Variants in CDH16 observed in about 807,000 individuals in gnomAD.
CDH16 encodes cadherin-16.
A neutral mutation model predicts 87.6 loss-of-function variants in CDH16; 79 were observed. The ratio of observed to expected loss-of-function variants is 0.90; its 90% CI spans 0.75 to 1.09. CDH16 has a LOEUF of 1.09. Ranked by LOEUF, CDH16 falls within the 50% of genes least tolerant of loss-of-function variation. CDH16 has a pLI of 0.00. For missense variants in CDH16, 1,124 were observed against 1,071.7 expected (o/e 1.05, Z -0.68); for synonymous variants, 457 against 439.5 (o/e 1.04, Z -0.50).
At position 66,910,079 on chromosome 16, in the gene CDH16, G is replaced by A; in HGVS notation, c.2182C>T (p.Leu728Phe). The A allele has an allele frequency of 6.2e-7, 1 of 1,611,628 alleles. No homozygotes were observed. The highest frequency in any genetic ancestry group is 8.5e-7 in the Non-Finnish European group (1 of 1,178,638). ...LQTLNGSHAY[L>F]TLALHWVEPR... Reference sequence around the variant, plus strand: ...TCCACCCAATGCAGGGCCAAGGTGAGGTAGGCATGGGAACCTTTTGGGACA... The same window carrying A: ...TCCACCCAATGCAGGGCCAAGGTGAAGTAGGCATGGGAACCTTTTGGGACA... The change falls in exon 16 of 18, where the codon CTC becomes TTC. Residue 728 changes from leucine to phenylalanine, a missense_variant. Coordinates refer to ENST00000299752, the MANE Select transcript of CDH16 (RefSeq NM_004062.4).
Position 66,909,387 on chromosome 16 carries a change from A to G in CDH16, c.2276-4T>C. On this transcript the variant is annotated splice_polypyrimidine_tract_variant and splice_region_variant and intron_variant, in intron 16 of 17. Coordinates refer to ENST00000299752, the MANE Select transcript of CDH16 (RefSeq NM_004062.4). The surrounding 1 kb of genome is among the most constrained non-coding windows in gnomAD (Gnocchi z 4.1). ...ACGTTGCAGCGACACACGATCACTG[A>G]GGGGAGAGGGGAGGAAGGTAAGGGG... 1 of 825,200 alleles carries G rather than the reference A, an allele frequency of 1.2e-6. No homozygotes were observed. Among genetic ancestry groups the G allele is most frequent in the Non-Finnish European group, 1.9e-6 (1 of 534,880 alleles). 51.1% of individuals were successfully genotyped at this position (825,200 alleles called of 1,614,324 possible).
chr16:66,913,402 C>T, intron 8 of CDH16, 89 bp downstream of exon 8: 2 of 1,590,932 alleles, frequency 1.3e-6, no homozygotes, highest in East Asian at 4.5e-5. Flanking sequence ...ACTGCCTCAG[C>T]CTCTGTTGTA....
At position 66,911,984 on chromosome 16, in the gene CDH16, A is replaced by T. The variant is rs1305019352; in HGVS notation, c.1705T>A (p.Tyr569Asn). ...GCACTGATGGGGACACTGGCCTCGT[A>T]GCTCTCCTGGTCCAACTTGGGGGGT... ...MPPPKLDQESYEASVPISAPA... is the reference protein window; with the variant it reads ...MPPPKLDQESNEASVPISAPA... Residue 569 changes from tyrosine to asparagine, a missense_variant, in exon 13 of 18, where the codon TAC becomes AAC. Transcript: ENST00000299752. The T allele has an allele frequency of 6.2e-7, 1 of 1,614,020 alleles. No individual in the cohort carries two copies. The highest frequency in any genetic ancestry group is 8.5e-7 in the Non-Finnish European group (1 of 1,180,020).
rs200214830 is a variant in CDH16, at chr16:66,911,277, A to G, written c.1829T>C (p.Ile610Thr). The G allele has an allele frequency of 1.5e-5, 24 of 1,613,460 alleles. No individual in the cohort carries two copies. Among genetic ancestry groups the G allele is most frequent in the African/African-American group, 2.7e-5 (2 of 74,888 alleles). ...GTGCACCTCCCCGGAGAATTTCTCA[A>G]TGCAGAGCCAGCCCTCTGAGTCATT... The part of the protein sequence containing the change: ...LVNDSEGWLC[I>T]EKFSGEVHTA... The change falls in exon 14 of 18, where the codon ATT (isoleucine) becomes ACT (threonine). Residue 610 changes from isoleucine to threonine, a missense_variant. Physicochemically the swap from Ile to Thr is moderately conservative, Grantham distance 89. Coordinates refer to ENST00000299752, the MANE Select transcript of CDH16 (RefSeq NM_004062.4).
In CDH16 at chr16:66,916,569, A is replaced by T; in HGVS notation, c.130-140T>A. The T allele has an allele frequency of 2.1e-6, 2 of 941,008 alleles. 1 individual carries two copies. The highest frequency in any genetic ancestry group is 5.3e-5 in the East Asian group (2 of 37,516). The allele number at this position is 941,008 out of a possible 1,614,324, so 58.3% of individuals were successfully genotyped here. A position where few individuals can be genotyped will look rare whatever the true frequency, so the allele number is the denominator to read the frequency against. Reference sequence around the variant, plus strand: ...TCCTGTCAGAGGTCACACAGCCAGTAAGCATCAGGACTGAGACTCAGAGCC... The same window carrying T: ...TCCTGTCAGAGGTCACACAGCCAGTTAGCATCAGGACTGAGACTCAGAGCC... On this transcript the variant is annotated intron_variant, in intron 3 of 17. Coordinates refer to ENST00000299752, the MANE Select transcript of CDH16 (RefSeq NM_004062.4). The surrounding 1 kb of genome is among the most constrained non-coding windows in gnomAD (Gnocchi z 4.1).
Position 66,911,233 on chromosome 16 carries a change from C to T in CDH16, c.1873G>A (p.Gly625Ser). Residue 625 changes from glycine (G) to serine (S), a missense_variant, in exon 14 of 18, where the codon GGC (glycine) becomes AGC (serine). By Grantham distance (56) the Gly-to-Ser change is moderately conservative. Transcript: ENST00000299752. ...GEVHTAQSLQ[G>S]AQPGDTYTVL... ...GTGTAGGTGTCCCCAGGCTGGGCGC[C>T]CTGCAGGGACTGGGCGGTGTGCACC... 6.2e-7 allele frequency: 1 copy of T among 1,613,542 alleles called. No individual in the cohort carries two copies. Among genetic ancestry groups the T allele is most frequent in the Non-Finnish European group, 8.5e-7 (1 of 1,179,838 alleles).
In CDH16 at chr16:66,912,874, G is replaced by A. The variant is rs1962496098; in HGVS notation, c.1072C>T (p.Leu358=). The change falls in exon 10 of 18, where the codon CTG becomes TTG. Residue 358 remains leucine, a synonymous_variant. Transcript: ENST00000299752. ...LSPPGTEVTR[L]SAEDADAPGS... ...GGGGCATCTGCATCCTCTGCTGACA[G>A]TCTAGTCACTTCAGTACCTGCCAAG... The A allele has an allele frequency of 3.7e-6, 6 of 1,611,578 alleles. No homozygotes were observed. The highest frequency in any genetic ancestry group is 2.2e-5 in the East Asian group (1 of 44,870).
chr16:66,914,068 C>G (rs1020137149), intron 7 of CDH16, 148 bp downstream of exon 7: 1 of 687,604 alleles, frequency 1.5e-6, no homozygotes, highest in African/African-American at 1.8e-5. Flanking sequence ...CCTTGAACAC[C>G]CCAGTCCACA....
In CDH16 at chr16:66,912,882, A is replaced by G; in HGVS notation, c.1064T>C (p.Val355Ala). ...TGCATCCTCTGCTGACAGTCTAGTCACTTCAGTACCTGCCAAGACAGCACC... is the reference window on the plus strand; with the variant it reads ...TGCATCCTCTGCTGACAGTCTAGTCGCTTCAGTACCTGCCAAGACAGCACC... ...IPELSPPGTE[V>A]TRLSAEDADA... Residue 355 changes from valine (V) to alanine (A), a missense_variant, in exon 10 of 18, where the codon GTG becomes GCG. Coordinates refer to ENST00000299752, the MANE Select transcript of CDH16 (RefSeq NM_004062.4). 1 of 1,610,216 alleles carries G rather than the reference A, an allele frequency of 6.2e-7. No homozygotes were observed. The highest frequency in any genetic ancestry group is 8.5e-7 in the Non-Finnish European group (1 of 1,179,572).
In CDH16 at chr16:66,915,381, G is replaced by A. The variant is rs1222333478; in HGVS notation, c.425-3C>T. The stretch of plus-strand genomic sequence containing the variant: ...CTCAAGGAAGAGGAAGGGGATGCCT[G>A]GTTCACGGTGGGAGGGCAAACTGTA... On this transcript the variant is annotated splice_polypyrimidine_tract_variant and splice_region_variant and intron_variant, in intron 5 of 17. Transcript: ENST00000299752. The A allele has an allele frequency of 6.2e-7, 1 of 1,613,306 alleles. No homozygotes were observed. Among genetic ancestry groups the A allele is most frequent in the Non-Finnish European group, 8.5e-7 (1 of 1,179,722 alleles).
intron 14 of CDH16, chr16:66,910,910 G>C: frequency 2.3e-6 from 1 of 435,060 alleles, no homozygotes; most frequent in South Asian, 4.2e-5. Flanking sequence ...CTGACACCCT[G>C]AGAGGCCCTC....
At position 66,916,064 on chromosome 16, in the gene CDH16, C is replaced by T. The variant is rs764638584; in HGVS notation, c.424+1G>A. 1.2e-6 allele frequency: 2 copies of T among 1,614,200 alleles called. No homozygotes were observed. The highest frequency in any genetic ancestry group is 2.7e-5 in the African/African-American group (2 of 75,082). On this transcript the variant is annotated splice_donor_variant, in intron 5 of 17. Transcript: ENST00000299752. LOFTEE classifies it high-confidence loss of function. This position sits in a 1 kb window ranked among gnomAD's most constrained non-coding sequence, Gnocchi z 4.1. ...GTAAATTGGCTGCCCTGGTCACTCA[C>T]CAGGCCTGGTACCCCGGCTCAGCCG... is the stretch of plus-strand genomic sequence containing the variant.
Position 66,912,448 on chromosome 16 carries a change from A to T in CDH16, c.1360-18T>A. ...GGCCCAATCTGGAGGAGGAGGAGGGATGGTGAGCCCCCCACCAGCATCCTT... is the reference window on the plus strand; with the variant it reads ...GGCCCAATCTGGAGGAGGAGGAGGGTTGGTGAGCCCCCCACCAGCATCCTT... On this transcript the variant is annotated intron_variant, in intron 11 of 17. Transcript: ENST00000299752. 6.2e-7 allele frequency: 1 copy of T among 1,613,772 alleles called. No homozygotes were observed. Among genetic ancestry groups the T allele is most frequent in the Non-Finnish European group, 8.5e-7 (1 of 1,179,790 alleles).
Position 66,913,230 on chromosome 16 carries a change from G to C in CDH16, c.955C>G (p.Pro319Ala), listed in dbSNP as rs1301953509. ...QNSHGEDYAA[P>A]LELHVLVMDE... Reference sequence around the variant, plus strand: ...ATCACCAGCACGTGCAGCTCCAGAGGGGCCGCATAGTCCTCGCCATGGGAA... The same window carrying C: ...ATCACCAGCACGTGCAGCTCCAGAGCGGCCGCATAGTCCTCGCCATGGGAA... The change falls in exon 9 of 18, where the codon CCT (proline) becomes GCT (alanine). Residue 319 changes from proline (P) to alanine (A), a missense_variant. By Grantham distance (27) the Pro-to-Ala change is conservative. Coordinates refer to ENST00000299752, the MANE Select transcript of CDH16 (RefSeq NM_004062.4). The C allele has an allele frequency of 6.3e-7, 1 of 1,586,502 alleles. No homozygotes were observed. The highest frequency in any genetic ancestry group is 2.2e-5 in the East Asian group (1 of 44,684).
chr16:66,916,076 C>A lies in CDH16; in HGVS notation c.413G>T (p.Gly138Val). ...CCCTGGTCACTCACCAGGCCTGGTA[C>A]CCCGGCTCAGCCGAGCTCTGTAGAT... ...QAIYRARLSR[G>V]TRPGIPFLFL... Residue 138 changes from glycine (G) to valine (V), a missense_variant, in exon 5 of 18, where the codon GGT becomes GTT. Physicochemically the swap from Gly to Val is moderately radical, Grantham distance 109. Coordinates refer to ENST00000299752, the MANE Select transcript of CDH16 (RefSeq NM_004062.4). This position sits in a 1 kb window ranked among gnomAD's most constrained non-coding sequence, Gnocchi z 4.1. The A allele has an allele frequency of 6.2e-7, 1 of 1,614,204 alleles. No homozygotes were observed. Among genetic ancestry groups the A allele is most frequent in the Non-Finnish European group, 8.5e-7 (1 of 1,180,044 alleles).
rs1698760424 is a variant in CDH16, at chr16:66,908,304, C to T, written c.*88G>A. 1 of 1,068,466 alleles carries T rather than the reference C, an allele frequency of 9.4e-7. No homozygotes were observed. The highest frequency in any genetic ancestry group is 1.4e-6 in the Non-Finnish European group (1 of 696,234). The allele number at this position is 1,068,466 out of a possible 1,614,324, so 66.2% of individuals were successfully genotyped here. ...GGAGGGGCTTCTACTCTGTCCTGTC[C>T]CCTGCTGGATCTTGGGTGCTGGGCT... is the stretch of plus-strand genomic sequence containing the variant. On this transcript the variant is annotated 3_prime_UTR_variant, in exon 18 of 18. Transcript: ENST00000299752.
chr16:66,913,431 G>A, intron 8 of CDH16, 60 bp downstream of exon 8: 1 of 1,608,548 alleles, frequency 6.2e-7, no homozygotes, highest in Non-Finnish European at 8.5e-7. Flanking sequence ...ACCCCCAAAA[G>A]CCAACTGGAC....
Position 66,910,488 on chromosome 16 carries a change from T to C in CDH16, c.1939A>G (p.Ser647Gly). 6.5e-7 allele frequency: 1 copy of C among 1,536,710 alleles called. No individual in the cohort carries two copies. ...EAQDTDEPRL[S>G]ASAPLVIHFL... ...TGGATCACCAGGGGTGCAGAAGCGC[T>C]CAGTCTCGGCTCATCTGCAGAGGAG... Residue 647 changes from serine to glycine, a missense_variant, in exon 15 of 18, where the codon AGC becomes GGC. Transcript: ENST00000299752.
Position 66,912,515 on chromosome 16 carries a change from T to A in CDH16, c.1348A>T (p.Ile450Phe). 6.2e-7 allele frequency: 1 copy of A among 1,614,166 alleles called. No homozygotes were observed. Among genetic ancestry groups the A allele is most frequent in the South Asian group, 1.1e-5 (1 of 91,076 alleles). The change falls in exon 11 of 18, where the codon ATC (isoleucine) becomes TTC (phenylalanine). Residue 450 changes from isoleucine (I) to phenylalanine (F), a missense_variant. Transcript: ENST00000299752. ...CTGCGTCTGCTTACCTGGGAAGTGA[T>A]GAACTCAGGGGCGTGATCATTGATA... Reference protein sequence around the residue: ...TDINDHAPEFITSQIGPISLP... With the variant: ...TDINDHAPEFFTSQIGPISLP...
Sources: gnomAD v4.1 joint callset for allele counts on GRCh38, gnomAD v4.1.1 for gene constraint, Gnocchi (gnomAD v3.1) non-coding constraint, MANE v1.5 for transcripts, NCBI Gene and HGNC (gene_info 2026-07-23, HGNC 2026-07-21) for gene names.